NKAIN2: variants seen among roughly 807,000 people sequenced by gnomAD.
NKAIN2 encodes sodium/potassium transporting ATPase interacting 2.
In NKAIN2, 14 loss-of-function variants were observed where a neutral mutation model predicts 32.6. That is an observed-to-expected ratio of 0.43 (90% confidence interval 0.28 to 0.67). The LOEUF is 0.67. Among genes scored for constraint, NKAIN2 ranks in the 30% least tolerant of loss-of-function variants. NKAIN2 has a pLI of 0.17. For synonymous variants in NKAIN2, 80 were observed against 87.2 expected, an observed-to-expected ratio of 0.92 and a Z score of 0.46; for missense variants, 198 against 258.3, an observed-to-expected ratio of 0.77 and a Z score of 1.60.
intron 1 of NKAIN2, among the ~76,000 whole-genome samples, chr6:124,278,026 G>A (rs1188439325): frequency 6.6e-6 from 1 of 152,036 alleles, no homozygotes; most frequent in Non-Finnish European, 1.5e-5. Flanking sequence ...ATATTTGGAA[G>A]AAAATTTGAT....
chr6:124,111,778 G>GT (rs967603359), intron 1 of NKAIN2, among the ~76,000 whole-genome samples: 8 of 150,968 alleles, frequency 5.3e-5, no homozygotes, highest in Middle Eastern at 6.8e-3. Context: ...TTTTGTTGGG[G>GT]TTTTTTTTGG....
chr6:124,537,875 C>T (rs925985473), intron 3 of NKAIN2, among the ~76,000 whole-genome samples: 2 of 152,178 alleles, frequency 1.3e-5, no homozygotes, highest in Non-Finnish European at 2.9e-5. Context: ...ACTGCTACAT[C>T]TTAAGGGTCA....
At chr6:123,907,844 C>A (rs1043717222) in intron 1 of NKAIN2, among the ~76,000 whole-genome samples, 21 of 152,102 alleles carry the variant, frequency 1.4e-4, no homozygotes, top group African/African-American at 4.8e-4. Flanking sequence ...ATAGCAGTAA[C>A]AAAATACAAC....
chr6:124,449,023 C>A (rs1239187688), intron 3 of NKAIN2, among the ~76,000 whole-genome samples: 1 of 151,994 alleles, frequency 6.6e-6, no homozygotes, highest in Non-Finnish European at 1.5e-5. Flanking sequence ...CATAATGTTA[C>A]CTTAATGACT....
intron 1 of NKAIN2, among the ~76,000 whole-genome samples, chr6:124,140,688 A>G (rs1562381257): frequency 1.3e-5 from 2 of 152,208 alleles, no homozygotes; most frequent in African/African-American, 2.4e-5. Flanking sequence ...CTATCCAGCT[A>G]TTTTTTTAAA....
chr6:124,650,238 GA>G (rs1784320635), intron 3 of NKAIN2, among the ~76,000 whole-genome samples: 1 of 152,250 alleles, frequency 6.6e-6, no homozygotes, highest in Non-Finnish European at 1.5e-5. Context: ...TGTCTGTGTA[GA>G]AAATCTGCAG....
chr6:123,872,771 TAAAACAAACC>T (rs1392869784), intron 1 of NKAIN2, among the ~76,000 whole-genome samples: 1 of 152,212 alleles, frequency 6.6e-6, no homozygotes, highest in Non-Finnish European at 1.5e-5. Context: ...TTATGGGGAA[TAAAACAAACC>T]AAGAGATGTT....
At chr6:123,813,491 A>C (rs1480773596) in intron 1 of NKAIN2, among the ~76,000 whole-genome samples, 4 of 152,160 alleles carry the variant, frequency 2.6e-5, no homozygotes, top group African/African-American at 9.7e-5. Flanking sequence ...CTGTTATAGA[A>C]TTACATATTT....
In NKAIN2 at chr6:124,823,769, C is replaced by A. The variant is rs944701220; in HGVS notation, c.*540C>A. 2.5e-5 allele frequency: 4 copies of A among 157,700 alleles called. No individual in the cohort carries two copies. Among genetic ancestry groups the A allele is most frequent in the Admixed American group, 1.2e-4 (2 of 16,480 alleles). The allele number at this position is 157,700 out of a possible 1,614,324, so 9.8% of individuals were successfully genotyped here. ...AATGGCAGATTGTTTGCCCTAAAGGCTGTACCGTACATACTTGCCTTAACC... is the reference window on the plus strand; with the variant it reads ...AATGGCAGATTGTTTGCCCTAAAGGATGTACCGTACATACTTGCCTTAACC... On this transcript the variant is annotated 3_prime_UTR_variant, in exon 7 of 7. Coordinates refer to ENST00000368417, the MANE Select transcript of NKAIN2 (RefSeq NM_001040214.3).
chr6:124,795,420 A>G (rs746981956), intron 5 of NKAIN2, among the ~76,000 whole-genome samples: 12 of 152,282 alleles, frequency 7.9e-5, no homozygotes, highest in South Asian at 2.1e-4. Flanking sequence ...CCTAGACCCA[A>G]TGAAATACCA....
intron 4 of NKAIN2, among the ~76,000 whole-genome samples, chr6:124,763,925 T>C (rs1045526858): frequency 3.3e-5 from 5 of 152,212 alleles, no homozygotes; most frequent in African/African-American, 7.2e-5. Flanking sequence ...ATGTCATAAC[T>C]GGACCCCAAA....
chr6:124,695,917 G>T (rs551671813), intron 4 of NKAIN2, among the ~76,000 whole-genome samples: 16 of 152,298 alleles, frequency 1.1e-4, no homozygotes, highest in African/African-American at 3.8e-4. Context: ...TAGCATGATG[G>T]CATTCAAAAT....
At chr6:123,860,447 G>T (rs946547790) in intron 1 of NKAIN2, among the ~76,000 whole-genome samples, 3 of 152,156 alleles carry the variant, frequency 2.0e-5, no homozygotes, top group Admixed American at 6.5e-5. Context: ...ATGTCACTCT[G>T]TCAGCCAGGC....
intron 3 of NKAIN2, among the ~76,000 whole-genome samples, chr6:124,621,849 G>T (rs1447376879): frequency 6.6e-6 from 1 of 152,076 alleles, no homozygotes; most frequent in Non-Finnish European, 1.5e-5. Flanking sequence ...GGATCTAGTT[G>T]TCCTTCCCTC....
intron 1 of NKAIN2, among the ~76,000 whole-genome samples, chr6:124,238,077 C>T (rs1278335300): frequency 6.6e-6 from 1 of 151,748 alleles, no homozygotes; most frequent in Non-Finnish European, 1.5e-5. Context: ...TAAAACAGAA[C>T]AAATGATAGA....
At chr6:124,541,423 T>C (rs965069178) in intron 3 of NKAIN2, among the ~76,000 whole-genome samples, 1 of 152,148 alleles carries the variant, frequency 6.6e-6, no homozygotes, top group African/African-American at 2.4e-5. Context: ...GTATAATTTA[T>C]ATAGAGGGTT....
intron 1 of NKAIN2, among the ~76,000 whole-genome samples, chr6:123,976,347 CCATATATATATATATATATATTCCCATA>C (rs1778601320): frequency 2.0e-4 from 1 of 4,888 alleles, no homozygotes; most frequent in African/African-American, 3.8e-4. Context: ...ATATATGTTC[CCATATATATATATATATATATTCCCATA>C]TATATATATA....
At chr6:124,203,899 T>C (rs1790719490) in intron 1 of NKAIN2, among the ~76,000 whole-genome samples, 2 of 151,880 alleles carry the variant, frequency 1.3e-5, no homozygotes, top group African/African-American at 2.4e-5. Flanking sequence ...AATAAGATCA[T>C]TTAATACATG....
chr6:124,557,623 G>A (rs1215285020), intron 3 of NKAIN2, among the ~76,000 whole-genome samples: 1 of 152,122 alleles, frequency 6.6e-6, no homozygotes, highest in East Asian at 1.9e-4. Flanking sequence ...TGTTCCCCAC[G>A]TTTTCACAGA....
Sources: gnomAD v4.1 joint callset for allele counts (sites outside exome capture counted in the v4.1 genomes callset) on GRCh38, gnomAD v4.1.1 for gene constraint, MANE v1.5 for transcripts, NCBI Gene and HGNC (gene_info 2026-07-23, HGNC 2026-07-21) for gene names.